EPB41L3: variants seen among roughly 807,000 people sequenced by gnomAD.
EPB41L3 encodes erythrocyte membrane protein band 4.1 like 3.
A neutral mutation model predicts 127.1 loss-of-function variants in EPB41L3; 57 were observed. The observed-to-expected ratio is 0.45, with a 90% CI of 0.36 to 0.56. The LOEUF is 0.56. Among genes scored for constraint, EPB41L3 ranks in the 20% least tolerant of loss-of-function variants. EPB41L3 has a pLI of 0.00. For missense variants in EPB41L3, 1,273 were observed against 1,372.2 expected (o/e 0.93, Z 1.14); for synonymous variants, 572 against 549.5 (o/e 1.04, Z -0.57).
intron 18 of EPB41L3, among the ~76,000 whole-genome samples, 175 bp from the exon 19 acceptor site, chr18:5,396,507 C>T (rs1446842924): frequency 6.6e-6 from 1 of 150,402 alleles, no homozygotes. Context: ...CCTGGACTCT[C>T]ATAGCACTTT....
intron 13 of EPB41L3, among the ~76,000 whole-genome samples, chr18:5,414,157 T>C (rs1361805064): frequency 1.3e-5 from 2 of 152,220 alleles, no homozygotes; most frequent in African/African-American, 2.4e-5. Context: ...AATAATAACA[T>C]TGTATTTGTA....
chr18:5,488,742 C>G (rs1329572551), intron 2 of EPB41L3: 2 of 417,386 alleles, frequency 4.8e-6, no homozygotes, highest in Admixed American at 8.9e-5. Flanking sequence ...TCCTCTAAAT[C>G]CAGATAGGAC....
At chr18:5,524,280 G>T (rs2093132235) in intron 1 of EPB41L3, among the ~76,000 whole-genome samples, 1 of 151,760 alleles carries the variant, frequency 6.6e-6, no homozygotes, top group African/African-American at 2.4e-5. Context: ...TGCAACCTCC[G>T]CCTCCCGGGT....
At chr18:5,592,062 A>T (rs1054858009) in intron 3 of EPB41L3, among the ~76,000 whole-genome samples, 1 of 152,256 alleles carries the variant, frequency 6.6e-6, no homozygotes, top group Non-Finnish European at 1.5e-5. Flanking sequence ...ACAGAAAAAA[A>T]CAATGAGCTA....
chr18:5,629,874 G>A (rs560914869), upstream of EPB41L3, among the ~76,000 whole-genome samples: 1 of 152,208 alleles, frequency 6.6e-6, no homozygotes. Context: ...GCGCGCGCTG[G>A]CAAAAGCACA....
At chr18:5,586,468 T>C (rs561907885) in intron 3 of EPB41L3, among the ~76,000 whole-genome samples, 2 of 151,632 alleles carry the variant, frequency 1.3e-5, no homozygotes, top group South Asian at 2.1e-4. Context: ...GGCATAATCA[T>C]GGCTAACTGC....
intron 3 of EPB41L3, among the ~76,000 whole-genome samples, chr18:5,550,871 A>C (rs896768750): frequency 6.6e-6 from 1 of 152,156 alleles, no homozygotes; most frequent in African/African-American, 2.4e-5. Flanking sequence ...CTTCTCAATT[A>C]TAGGTTGAGA....
chr18:5,464,895 A>T (rs1263941278), intron 3 of EPB41L3, among the ~76,000 whole-genome samples: 1 of 152,246 alleles, frequency 6.6e-6, no homozygotes, highest in Non-Finnish European at 1.5e-5. Context: ...TTTCTTTAAT[A>T]GACTTTCCCA....
At chr18:5,586,090 T>G (rs987047047) in intron 3 of EPB41L3, among the ~76,000 whole-genome samples, 12 of 152,146 alleles carry the variant, frequency 7.9e-5, no homozygotes, top group Admixed American at 1.3e-4. Context: ...TCTATAAAAT[T>G]CCCTGCATTC....
chr18:5,461,034 T>TC (rs980339209), intron 3 of EPB41L3, among the ~76,000 whole-genome samples: 2 of 152,122 alleles, frequency 1.3e-5, no homozygotes, highest in Non-Finnish European at 2.9e-5. Context: ...TTTATTTTTT[T>TC]CCCCCCTATC....
At chr18:5,545,089 C>T (rs774872206), upstream of EPB41L3, among the ~76,000 whole-genome samples, 2 of 152,100 alleles carry the variant, frequency 1.3e-5, no homozygotes, top group Admixed American at 6.5e-5. Context: ...CCCCCAACAC[C>T]CCTCTACTTG....
At chr18:5,532,835 A>G (rs1235645475) in intron 1 of EPB41L3, among the ~76,000 whole-genome samples, 1 of 152,144 alleles carries the variant, frequency 6.6e-6, no homozygotes, top group African/African-American at 2.4e-5. Flanking sequence ...ACACTCTAAT[A>G]TGACCGAATA....
At chr18:5,576,033 C>T (rs573446351) in intron 3 of EPB41L3, among the ~76,000 whole-genome samples, 1 of 152,274 alleles carries the variant, frequency 6.6e-6, no homozygotes, top group African/African-American at 2.4e-5. Context: ...TAATTTCTTA[C>T]CAGTTTGCTG....
At chr18:5,423,609 C>T in intron 10 of EPB41L3, 56 bp from the exon 11 acceptor site, 3 of 1,450,612 alleles carry the variant, frequency 2.1e-6, no homozygotes, top group Non-Finnish European at 2.8e-6. Context: ...ATTGAGAGTG[C>T]TTTTTAAACT....
intron 1 of EPB41L3, among the ~76,000 whole-genome samples, chr18:5,502,660 C>A (rs2091845202): frequency 6.6e-6 from 1 of 152,138 alleles, no homozygotes; most frequent in Non-Finnish European, 1.5e-5. Flanking sequence ...CCGCTCGAAG[C>A]GAAACAGAGA....
chr18:5,544,205 C>A, upstream of EPB41L3: 1 of 985,574 alleles, frequency 1.0e-6, no homozygotes, highest in Non-Finnish European at 1.2e-6. Context: ...GGCACAGCCT[C>A]CTCCGTCCTG....
chr18:5,522,091 G>GTTATTTAT lies in EPB41L3; in HGVS notation c.-12+21814_-12+21821dup, dbSNP rs149542636. On this transcript the variant is annotated intron_variant, in intron 1 of 22. Coordinates refer to ENST00000341928, the MANE Select transcript of EPB41L3 (RefSeq NM_012307.5). ...ATGTATTTTCTTCCAATGCCAAATC[G>GTTATTTAT]TTATTTATTTATTTATTTATTTATT... Among the ~76,000 whole-genome samples the GTTATTTAT allele has an allele frequency of 8.6e-5, 13 of 151,710 alleles. No homozygotes were observed. The South Asian group carries it at 1.3e-3, about 15-fold the overall frequency.
At chr18:5,505,702 T>C (rs1212973218) in intron 1 of EPB41L3, among the ~76,000 whole-genome samples, 29 of 26,580 alleles carry the variant, frequency 1.1e-3, no homozygotes, top group Admixed American at 1.8e-3. Context: ...CTCCACCCCT[T>C]CCCTCCACAC....
chr18:5,414,247 T>C (rs1404258162), intron 13 of EPB41L3, among the ~76,000 whole-genome samples: 2 of 152,210 alleles, frequency 1.3e-5, no homozygotes, highest in African/African-American at 4.8e-5. Context: ...AATAGTGATA[T>C]TAAAGCCTAG....
Sources: gnomAD v4.1 joint callset for allele counts (sites outside exome capture counted in the v4.1 genomes callset) on GRCh38, gnomAD v4.1.1 for gene constraint, MANE v1.5 for transcripts, NCBI Gene and HGNC (gene_info 2026-07-23, HGNC 2026-07-21) for gene names.